The following SUDS3 variants were observed in gnomAD, a reference collection of about 807,000 sequenced individuals.
SUDS3 encodes the protein SIN3A corepressor complex component SDS3.
In SUDS3, 23 loss-of-function variants were observed where a neutral mutation model predicts 53.5. The ratio of observed to expected loss-of-function variants is 0.43; its 90% CI spans 0.31 to 0.61. The LOEUF is 0.61. SUDS3 is among the 20% of genes least tolerant of loss of function. The probability of loss-of-function intolerance (pLI) is 0.10; values close to 1 mark genes in which losing one functional copy is unlikely to be tolerated. For missense variants in SUDS3, 291 were observed against 405.9 expected (o/e 0.72, Z 2.43); for synonymous variants, 150 against 148.5 (o/e 1.01, Z -0.08).
rs142164048 is a variant in SUDS3, at chr12:118,399,072, G to A, written c.518-1587G>A. Among the ~76,000 whole-genome samples the A allele has an allele frequency of 3.9e-5, 6 of 152,314 alleles. No individual in the cohort carries two copies. In the East Asian group the frequency reaches 7.7e-4, roughly 20 times the overall value. On this transcript the variant is annotated intron_variant, in intron 6 of 11. Transcript: ENST00000543473. Reference sequence around the variant, plus strand: ...GAGAGCCATGCAAAGGCTTGAAGGCGTAAAGTCTGGTGCCCTTGGGTAACA... The same window carrying A: ...GAGAGCCATGCAAAGGCTTGAAGGCATAAAGTCTGGTGCCCTTGGGTAACA...
chr12:118,403,505 A>G lies in SUDS3; in HGVS notation c.791A>G (p.Tyr264Cys). Residue 264 changes from tyrosine (Y) to cysteine (C), a missense_variant, in exon 10 of 12, where the codon TAT becomes TGT. By Grantham distance (194) the Tyr-to-Cys change is radical. Around this residue, in one of 4 missense-constraint regions of SUDS3, gnomAD observed 77 missense variants for 87.1 expected, o/e 0.88. Transcript: ENST00000543473. Reference sequence around the variant, plus strand: ...CGGATAGAAGATGGCAAACTGTACTATGACAAAAGATGGTATGTTATGGGA... The same window carrying G: ...CGGATAGAAGATGGCAAACTGTACTGTGACAAAAGATGGTATGTTATGGGA... ...EARIEDGKLY[Y>C]DKRWYHKSQA... 6.2e-7 allele frequency: 1 copy of G among 1,612,646 alleles called. No homozygotes were observed. Among genetic ancestry groups the G allele is most frequent in the Non-Finnish European group, 8.5e-7 (1 of 1,179,348 alleles).
chr12:118,376,920 G>A, intron 1 of SUDS3, 87 bp downstream of exon 1: 1 of 1,344,458 alleles, frequency 7.4e-7, no homozygotes, highest in East Asian at 3.0e-5. Flanking sequence ...GGGGCGGGGC[G>A]GCCTCCGGGG....
At chr12:118,387,342 A>G (rs926839657) in intron 4 of SUDS3, among the ~76,000 whole-genome samples, 8 of 152,164 alleles carry the variant, frequency 5.3e-5, no homozygotes, top group Admixed American at 3.9e-4. Context: ...CTGCCTCCTC[A>G]CTTTAGATCT....
intron 9 of SUDS3, 83 bp from the exon 10 acceptor site, chr12:118,403,329 A>T: frequency 9.8e-7 from 1 of 1,020,954 alleles, no homozygotes; most frequent in Non-Finnish European, 1.5e-6. Context: ...ACATTCTGAT[A>T]GTGTTTCAAT....
chr12:118,391,627 C>G (rs1347626117), intron 6 of SUDS3, among the ~76,000 whole-genome samples: 1 of 152,216 alleles, frequency 6.6e-6, no homozygotes, highest in African/African-American at 2.4e-5. Flanking sequence ...TACTTAATTC[C>G]TGGGTCTGCT....
chr12:118,398,450 A>G (rs1386689208), intron 6 of SUDS3, among the ~76,000 whole-genome samples: 1 of 152,008 alleles, frequency 6.6e-6, no homozygotes, highest in Non-Finnish European at 1.5e-5. Flanking sequence ...TTTAGGGAGA[A>G]GCCTTCACCA....
chr12:118,391,428 C>T, intron 6 of SUDS3, 146 bp downstream of exon 6: 1 of 897,896 alleles, frequency 1.1e-6, no homozygotes, highest in Non-Finnish European at 1.7e-6. Flanking sequence ...CCTCCTCCAC[C>T]TTCTATTGGC....
intron 9 of SUDS3, chr12:118,402,230 A>G (rs1266156060): frequency 3.6e-6 from 2 of 559,976 alleles, no homozygotes; most frequent in African/African-American, 1.9e-5. Context: ...CTTAGGATTT[A>G]TCATAAAAGA....
intron 10 of SUDS3, among the ~76,000 whole-genome samples, chr12:118,409,234 G>A (rs1054599764): frequency 6.6e-6 from 1 of 150,682 alleles, no homozygotes; most frequent in Non-Finnish European, 1.5e-5. Flanking sequence ...TGCAAGCTCC[G>A]CCTCCGGGGT....
intron 10 of SUDS3, among the ~76,000 whole-genome samples, chr12:118,409,021 G>A (rs7956103): frequency 1.3e-5 from 2 of 151,978 alleles, no homozygotes; most frequent in Admixed American, 6.6e-5. Flanking sequence ...TGTACAGTTC[G>A]GCCCTTGTGA....
At chr12:118,411,184 G>C in intron 11 of SUDS3, 27 bp downstream of exon 11, 1 of 1,566,722 alleles carries the variant, frequency 6.4e-7, no homozygotes, top group Middle Eastern at 1.7e-4. Context: ...CTCACCTTTA[G>C]GGAAGCAAAA....
At chr12:118,386,723 A>T (rs894069036) in intron 4 of SUDS3, among the ~76,000 whole-genome samples, 1 of 152,234 alleles carries the variant, frequency 6.6e-6, no homozygotes, top group East Asian at 1.9e-4. Flanking sequence ...ACTGCGAGCA[A>T]TATAAAGTCA....
chr12:118,391,761 C>T (rs930189244), intron 6 of SUDS3, among the ~76,000 whole-genome samples: 1 of 152,180 alleles, frequency 6.6e-6, no homozygotes, highest in African/African-American at 2.4e-5. Context: ...CTCCCTTTGA[C>T]CTAGATGTAA....
chr12:118,382,948 G>A (rs756038709), intron 2 of SUDS3, among the ~76,000 whole-genome samples: 2 of 152,106 alleles, frequency 1.3e-5, no homozygotes, highest in Non-Finnish European at 2.9e-5. Context: ...GATTACAGGC[G>A]TGAGCCACCT....
intron 1 of SUDS3, among the ~76,000 whole-genome samples, chr12:118,379,234 C>T (rs541799667): frequency 3.3e-5 from 5 of 151,778 alleles, no homozygotes; most frequent in African/African-American, 9.7e-5. Context: ...GCCAGGAGTT[C>T]GAGACCAGCC....
intron 10 of SUDS3, among the ~76,000 whole-genome samples, chr12:118,410,555 CTTTATTTATTTA>C (rs767637189): frequency 3.4e-5 from 5 of 148,978 alleles, no homozygotes; most frequent in Non-Finnish European, 7.4e-5. Context: ...GGATGGAAGC[CTTTATTTATTTA>C]TTTATTTATT....
chr12:118,393,475 C>G (rs2046186278), intron 6 of SUDS3, among the ~76,000 whole-genome samples: 1 of 152,052 alleles, frequency 6.6e-6, no homozygotes, highest in Admixed American at 6.6e-5. Flanking sequence ...GTTCACCGCC[C>G]AAACCTCTTG....
intron 6 of SUDS3, among the ~76,000 whole-genome samples, chr12:118,399,017 G>C (rs147651520): frequency 1.3e-5 from 2 of 152,240 alleles, no homozygotes; most frequent in African/African-American, 4.8e-5. Flanking sequence ...GTAGGAGTTT[G>C]CTGGGCAGAA....
intron 10 of SUDS3, among the ~76,000 whole-genome samples, chr12:118,405,084 A>G (rs921454263): frequency 2.6e-5 from 4 of 152,210 alleles, no homozygotes; most frequent in African/African-American, 9.7e-5. Context: ...TCTTAACATT[A>G]TGTCTCAGAA....
Sources: allele counts gnomAD v4.1 joint callset (sites outside exome capture counted in the v4.1 genomes callset), GRCh38; gene constraint gnomAD v4.1.1; regional missense constraint gnomAD v4.1.1; transcripts MANE v1.5; gene names NCBI Gene and HGNC (gene_info 2026-07-23, HGNC 2026-07-21).